The following CLDND1 variants were observed in gnomAD, a reference collection of about 807,000 sequenced individuals.
CLDND1 encodes claudin domain containing 1.
CLDND1 carries 13 observed loss-of-function variants against 26.3 expected under a neutral mutation model. That is an observed-to-expected ratio of 0.49 (90% confidence interval 0.32 to 0.78). The LOEUF is 0.78. CLDND1 is among the 30% of genes least tolerant of loss of function. The probability of loss-of-function intolerance (pLI) is 0.03; values close to 1 mark genes in which losing one functional copy is unlikely to be tolerated. For missense variants in CLDND1, 289 were observed against 312.8 expected, an observed-to-expected ratio of 0.92 and a Z score of 0.57; for synonymous variants, 107 against 107.0, an observed-to-expected ratio of 1.00 and a Z score of 0.00.
intron 3 of CLDND1, among the ~76,000 whole-genome samples, chr3:98,517,601 T>C (rs555558373): frequency 1.7e-4 from 26 of 152,296 alleles, no homozygotes; most frequent in African/African-American, 6.0e-4. Context: ...ACTATTTACA[T>C]AGCATTTATA....
At chr3:98,517,743 T>C (rs1049347318) in intron 3 of CLDND1, among the ~76,000 whole-genome samples, 1 of 152,158 alleles carries the variant, frequency 6.6e-6, no homozygotes, top group African/African-American at 2.4e-5. Flanking sequence ...GGGTCCTGAA[T>C]CCAATCCCCC....
At chr3:98,519,350 T>C (rs985675007) in intron 2 of CLDND1, among the ~76,000 whole-genome samples, 4 of 152,220 alleles carry the variant, frequency 2.6e-5, no homozygotes, top group African/African-American at 9.6e-5. Flanking sequence ...TCTCAGGGAA[T>C]GCCAAATCCA....
In CLDND1 at chr3:98,522,434, G is replaced by C. The variant is rs72922762; in HGVS notation, c.-19+415C>G. The C allele has an allele frequency of 1.6e-3, 1,064 of 680,512 alleles. 10 individuals are homozygous for C. The African/African-American group carries it at 0.019, about 12-fold the overall frequency. The allele number at this position is 680,512 out of a possible 1,614,324, so 42.2% of individuals were successfully genotyped here. A position where few individuals can be genotyped will look rare whatever the true frequency, so the allele number is the denominator to read the frequency against. On this transcript the variant is annotated intron_variant, in intron 1 of 4. Coordinates refer to ENST00000341181, the MANE Select transcript of CLDND1 (RefSeq NM_001040181.2). The stretch of plus-strand genomic sequence containing the variant: ...CTGGGGTTGCTGAGTTTGGAAAATG[G>C]GAAGTGACTCAGGAAAGATAAGAGC...
At chr3:98,519,771 T>C (rs1035221762) in intron 2 of CLDND1, among the ~76,000 whole-genome samples, 12 of 152,234 alleles carry the variant, frequency 7.9e-5, no homozygotes, top group Admixed American at 6.5e-4. Context: ...TCCTTGAATA[T>C]TTCAGGCATG....
chr3:98,521,384 A>T lies in CLDND1; in HGVS notation c.41T>A (p.Val14Glu). 6.2e-7 allele frequency: 1 copy of T among 1,614,212 alleles called. No homozygotes were observed. The highest frequency in any genetic ancestry group is 8.5e-7 in the Non-Finnish European group (1 of 1,180,032). ...GTAGATGGTGGAAATGAGGCTAAGC[A>T]CACAAGCAATTACAAATGCTGTAGC... ...RFATAFVIAC[V>E]LSLISTIYMA... Residue 14 changes from valine (V) to glutamate (E), a missense_variant, in exon 2 of 5, where the codon GTG becomes GAG. Physicochemically the swap from Val to Glu is moderately radical, Grantham distance 121. Coordinates refer to ENST00000341181, the MANE Select transcript of CLDND1 (RefSeq NM_001040181.2).
chr3:98,521,953 C>T, intron 1 of CLDND1: 1 of 463,338 alleles, frequency 2.2e-6, no homozygotes, highest in Non-Finnish European at 3.8e-6. Flanking sequence ...AGGAGCCATA[C>T]AGAAAACAGA....
Position 98,516,259 on chromosome 3 carries a change from C to G in CLDND1, c.*400G>C, listed in dbSNP as rs1187772496. Reference sequence around the variant, plus strand: ...CAGCAAAGTGAACATAAAGTTTTGACGATGAGAGGTTTCCCAAAGAAACTA... The same window carrying G: ...CAGCAAAGTGAACATAAAGTTTTGAGGATGAGAGGTTTCCCAAAGAAACTA... On this transcript the variant is annotated 3_prime_UTR_variant, in exon 5 of 5. Coordinates refer to ENST00000341181, the MANE Select transcript of CLDND1 (RefSeq NM_001040181.2). 2 of 1,025,188 alleles carry G rather than the reference C, an allele frequency of 2.0e-6. No individual in the cohort carries two copies. The highest frequency in any genetic ancestry group is 2.3e-6 in the Non-Finnish European group (2 of 854,422). 63.5% of individuals were successfully genotyped at this position (1,025,188 alleles called of 1,614,324 possible).
In CLDND1 at chr3:98,521,451, A is replaced by T; in HGVS notation, c.-18-9T>A. On this transcript the variant is annotated splice_polypyrimidine_tract_variant and intron_variant, in intron 1 of 4. Transcript: ENST00000341181. ...CTGGCATTCAGACTGCTCTGTTTAG[A>T]AGTTGAAGAAAGAAGATAAGTTAGA... 2 of 1,603,972 alleles carry T rather than the reference A, an allele frequency of 1.2e-6. No individual in the cohort carries two copies. Among genetic ancestry groups the T allele is most frequent in the African/African-American group, 1.3e-5 (1 of 74,498 alleles).
At chr3:98,520,523 T>C (rs565393901) in intron 2 of CLDND1, among the ~76,000 whole-genome samples, 1 of 152,206 alleles carries the variant, frequency 6.6e-6, no homozygotes, top group Non-Finnish European at 1.5e-5. Flanking sequence ...TCTTTAAGTG[T>C]TAAATAAGAA....
intron 1 of CLDND1, 124 bp from the exon 2 acceptor site, chr3:98,521,566 G>A: frequency 1.3e-6 from 2 of 1,488,616 alleles, no homozygotes; most frequent in Non-Finnish European, 1.9e-6. Context: ...TAACCATTAA[G>A]AATTTTTTTT....
chr3:98,516,637 T>A lies in CLDND1; in HGVS notation c.*22A>T. ...ATTTTAAAAAAATAAAAATGGCAAT[T>A]GTAAAGCAGGCAGTTTCTTGCTCAT... On this transcript the variant is annotated 3_prime_UTR_variant, in exon 5 of 5. Coordinates refer to ENST00000341181, the MANE Select transcript of CLDND1 (RefSeq NM_001040181.2). 1 of 1,588,764 alleles carries A rather than the reference T, an allele frequency of 6.3e-7. No individual in the cohort carries two copies.
rs543679791 is a variant in CLDND1, at chr3:98,520,215, C to T, written c.292+918G>A. On this transcript the variant is annotated intron_variant, in intron 2 of 4. Transcript: ENST00000341181. The stretch of plus-strand genomic sequence containing the variant: ...TGTTTAATGAATGACTAAATGGTAA[C>T]ACTCCAATTCCAACTCCAATTTCAA... Among the ~76,000 whole-genome samples, 10 of 152,298 alleles carry T rather than the reference C, an allele frequency of 6.6e-5. No homozygotes were observed. In the East Asian group the frequency reaches 1.9e-3, roughly 29 times the overall value.
At chr3:98,521,095 C>G in intron 2 of CLDND1, 38 bp downstream of exon 2, 1 of 1,554,646 alleles carries the variant, frequency 6.4e-7, no homozygotes, top group South Asian at 1.2e-5. Flanking sequence ...CTATTATTAA[C>G]CAGGTGAAGA....
rs547494032 is a variant in CLDND1, at chr3:98,522,897, C to A, written c.-67G>T. On this transcript the variant is annotated 5_prime_UTR_variant, in exon 1 of 5. Coordinates refer to ENST00000341181, the MANE Select transcript of CLDND1 (RefSeq NM_001040181.2). ...CTTCACCCTCTAGCTCAGACCACAG[C>A]ACCCTACTCTCCCCGCGCCTCCTCT... 2.5e-6 allele frequency: 4 copies of A among 1,612,654 alleles called. No homozygotes were observed. Among genetic ancestry groups the A allele is most frequent in the East Asian group, 2.2e-5 (1 of 44,654 alleles).
At chr3:98,517,578 A>C (rs1362279514) in intron 3 of CLDND1, among the ~76,000 whole-genome samples, 1 of 152,256 alleles carries the variant, frequency 6.6e-6, no homozygotes, top group Non-Finnish European at 1.5e-5. Context: ...ATTTACAAAT[A>C]TATAGTATAA....
At chr3:98,518,666 A>G (rs1706263303) in intron 3 of CLDND1, 1 of 529,026 alleles carries the variant, frequency 1.9e-6, no homozygotes, top group Admixed American at 3.5e-5. Context: ...CATCCAATGA[A>G]GTAGTTGGCC....
In CLDND1 at chr3:98,516,582, C is replaced by A. The variant is rs1706148014; in HGVS notation, c.*77G>T. On this transcript the variant is annotated 3_prime_UTR_variant, in exon 5 of 5. Coordinates refer to ENST00000341181, the MANE Select transcript of CLDND1 (RefSeq NM_001040181.2). Reference sequence around the variant, plus strand: ...TATATCCACAAATAAAAATTAAAAACAATTGAGAGGTGGGGAAAATATCAG... The same window carrying A: ...TATATCCACAAATAAAAATTAAAAAAAATTGAGAGGTGGGGAAAATATCAG... 3 of 1,481,728 alleles carry A rather than the reference C, an allele frequency of 2.0e-6. No homozygotes were observed. In the Admixed American group the frequency reaches 7.7e-5, roughly 38 times the overall value. The allele number at this position is 1,481,728 out of a possible 1,614,324, so 91.8% of individuals were successfully genotyped here. A position where few individuals can be genotyped will look rare whatever the true frequency, so the allele number is the denominator to read the frequency against.
chr3:98,517,018 G>T (rs759668835), intron 4 of CLDND1, 34 bp downstream of exon 4: 1 of 1,612,426 alleles, frequency 6.2e-7, no homozygotes, highest in South Asian at 1.1e-5. Context: ...GAGACAGGAA[G>T]AAGCTAAAAG....
At chr3:98,518,244 C>T (rs1433753162) in intron 3 of CLDND1, among the ~76,000 whole-genome samples, 1 of 152,180 alleles carries the variant, frequency 6.6e-6, no homozygotes, top group Admixed American at 6.5e-5. Context: ...GCTTGCTACA[C>T]ATTCTCTTTA....
Sources: allele counts gnomAD v4.1 joint callset (sites outside exome capture counted in the v4.1 genomes callset), GRCh38; gene constraint gnomAD v4.1.1; transcripts MANE v1.5; gene names NCBI Gene and HGNC (gene_info 2026-07-23, HGNC 2026-07-21).